The following EFCAB8 variants were observed in gnomAD, a reference collection of about 807,000 sequenced individuals.
EFCAB8 encodes the protein EF-hand calcium binding domain 8.
EFCAB8 carries 100 observed loss-of-function variants against 116.3 expected under a neutral mutation model. The observed-to-expected ratio is 0.86, with a 90% CI of 0.73 to 1.02. EFCAB8 has a LOEUF of 1.02. EFCAB8 is among the 50% of genes least tolerant of loss of function. The pLI is 0.00. For synonymous variants in EFCAB8, 558 were observed against 567.9 expected, an observed-to-expected ratio of 0.98 and a Z score of 0.25; for missense variants, 1,320 against 1,416.9, an observed-to-expected ratio of 0.93 and a Z score of 1.10.
At chr20:32,930,085 T>C (rs957734315) in intron 20 of EFCAB8, among the ~76,000 whole-genome samples, 7 of 152,248 alleles carry the variant, frequency 4.6e-5, no homozygotes, top group Non-Finnish European at 1.5e-5. Flanking sequence ...TGAGCCTATG[T>C]CGAATCAAAC....
At chr20:32,884,653 A>C (rs1051855119) in intron 5 of EFCAB8, among the ~76,000 whole-genome samples, 3 of 152,162 alleles carry the variant, frequency 2.0e-5, no homozygotes, top group African/African-American at 7.2e-5. Flanking sequence ...GCCCTGGAGG[A>C]GGGGTCACAG....
At chr20:32,927,406 G>T (rs561605868) in intron 20 of EFCAB8, among the ~76,000 whole-genome samples, 1 of 151,992 alleles carries the variant, frequency 6.6e-6, no homozygotes, top group South Asian at 2.1e-4. Flanking sequence ...GTGCAGTGAC[G>T]TGATCTTGGT....
At chr20:32,894,672 A>T (rs1394554696) in intron 9 of EFCAB8, among the ~76,000 whole-genome samples, 2 of 152,212 alleles carry the variant, frequency 1.3e-5, no homozygotes, top group Non-Finnish European at 2.9e-5. Flanking sequence ...CCAGTTGCTT[A>T]ACCTTTCTGT....
chr20:32,877,194 T>A (rs1289552103), intron 4 of EFCAB8, among the ~76,000 whole-genome samples: 1 of 141,830 alleles, frequency 7.1e-6, no homozygotes, highest in Non-Finnish European at 1.6e-5. Flanking sequence ...TTCTTGTTTT[T>A]ATTTATTTCT....
At chr20:32,884,525 G>A (rs372386951) in intron 5 of EFCAB8, among the ~76,000 whole-genome samples, 14 of 152,314 alleles carry the variant, frequency 9.2e-5, no homozygotes, top group African/African-American at 2.9e-4. Flanking sequence ...GAGGAGAACC[G>A]TGTCCAGACA....
At position 32,935,314 on chromosome 20, in the gene EFCAB8, C is replaced by A. The variant is rs374677422; in HGVS notation, c.2790+3978C>A. On this transcript the variant is annotated intron_variant, in intron 22 of 26. Transcript: ENST00000400522. ...CTCCCGGGTTCAAGCAATTCTCCCG[C>A]CTCAGCCTCCTGAGTAGCTGTGATT... 1.3e-4 allele frequency among the ~76,000 whole-genome samples: 19 copies of A among 150,186 alleles called. No individual in the cohort carries two copies. The South Asian group carries it at 4.1e-3, about 32-fold the overall frequency.
At chr20:32,873,974 G>A (rs1220395842) in intron 3 of EFCAB8, among the ~76,000 whole-genome samples, 2 of 151,976 alleles carry the variant, frequency 1.3e-5, no homozygotes, top group Non-Finnish European at 2.9e-5. Flanking sequence ...AGGCTGGAGT[G>A]CAGTGGTGAA....
At chr20:32,929,702 T>C (rs1355854723) in intron 20 of EFCAB8, among the ~76,000 whole-genome samples, 1 of 152,122 alleles carries the variant, frequency 6.6e-6, no homozygotes, top group East Asian at 1.9e-4. Flanking sequence ...TATTACACTG[T>C]AAAGTTCTGA....
rs1491065107 is a variant in EFCAB8 at position 32,912,447 on chromosome 20, AAG to A, written c.1786-345_1786-344del. 5.0e-3 allele frequency among the ~76,000 whole-genome samples: 217 copies of A among 43,358 alleles called. 24 individuals carry two copies. Among genetic ancestry groups the A allele is most frequent in the African/African-American group, 0.011 (74 of 6,712 alleles). The allele number at this position is 43,358 out of a possible 152,430, so 28.4% of individuals were successfully genotyped here. On this transcript the variant is annotated intron_variant, in intron 16 of 26. Coordinates refer to ENST00000400522, the MANE Select transcript of EFCAB8 (RefSeq NM_001143967.2). ...AACTCTGTCAAAAAAAAAAAAAAAG[AAG>A]AAGAAGAAAGAAAGTGTACTTAGCC...
chr20:32,937,680 G>GGTGGAGTACAA (rs1555868439), intron 22 of EFCAB8, among the ~76,000 whole-genome samples: 1 of 150,790 alleles, frequency 6.6e-6, no homozygotes, highest in Non-Finnish European at 1.5e-5. Flanking sequence ...GTACAATGGT[G>GGTGGAGTACAA]TGATCTTGAC....
chr20:32,954,016 G>A (rs761825521), intron 23 of EFCAB8, among the ~76,000 whole-genome samples: 1 of 152,098 alleles, frequency 6.6e-6, no homozygotes, highest in African/African-American at 2.4e-5. Context: ...ACTTTGGCCA[G>A]GCTGGTCTCG....
intron 11 of EFCAB8, among the ~76,000 whole-genome samples, chr20:32,904,410 C>A (rs1161932712): frequency 6.6e-6 from 1 of 150,764 alleles, no homozygotes; most frequent in Middle Eastern, 3.2e-3. Context: ...TAGCAATCCT[C>A]CCACCTCAGC....
At chr20:32,944,884 A>T (rs1385869269) in intron 23 of EFCAB8, among the ~76,000 whole-genome samples, 2 of 151,974 alleles carry the variant, frequency 1.3e-5, no homozygotes, top group African/African-American at 4.8e-5. Context: ...GCCATTATTT[A>T]TTCAGATAAG....
chr20:32,875,496 A>T (rs1218095320), intron 3 of EFCAB8, among the ~76,000 whole-genome samples: 2 of 82,102 alleles, frequency 2.4e-5, no homozygotes, highest in Admixed American at 1.2e-4. Flanking sequence ...CCTGGTAAAC[A>T]TGGTGGTTTT....
At chr20:32,881,055 A>C (rs1268036932) in intron 5 of EFCAB8, among the ~76,000 whole-genome samples, 1 of 152,226 alleles carries the variant, frequency 6.6e-6, no homozygotes, top group South Asian at 2.1e-4. Context: ...ATCATAGTAT[A>C]TGAATGTCTC....
At chr20:32,905,188 C>G (rs1986618711) in intron 11 of EFCAB8, among the ~76,000 whole-genome samples, 1 of 152,180 alleles carries the variant, frequency 6.6e-6, no homozygotes, top group Non-Finnish European at 1.5e-5. Context: ...GAATCCTGAC[C>G]CCTGTGCGGG....
intron 20 of EFCAB8, among the ~76,000 whole-genome samples, chr20:32,927,710 T>C (rs1987728731): frequency 6.6e-6 from 1 of 152,210 alleles, no homozygotes; most frequent in African/African-American, 2.4e-5. Flanking sequence ...GATTTTAATT[T>C]CCTTTCATAT....
In EFCAB8 at chr20:32,931,227, A is replaced by G. The variant is rs1362359511; in HGVS notation, c.2681A>G (p.Gln894Arg). 6.4e-7 allele frequency: 1 copy of G among 1,551,064 alleles called. No homozygotes were observed. The highest frequency in any genetic ancestry group is 2.0e-5 in the Admixed American group (1 of 50,784). ...YCALIDKQPF[Q>R]SSGAKVVSEA... ...GCATTGATTGATAAACAGCCATTCC[A>G]ATCCAGTGGGGCCAAGGTTGTCTCT... Residue 894 changes from glutamine to arginine, a missense_variant, in exon 22 of 27, where the codon CAA becomes CGA. Physicochemically the swap from Gln to Arg is conservative, Grantham distance 43. Transcript: ENST00000400522.
At chr20:32,865,631 C>T (rs960258608) in intron 2 of EFCAB8, among the ~76,000 whole-genome samples, 1 of 151,888 alleles carries the variant, frequency 6.6e-6, no homozygotes, top group African/African-American at 2.4e-5. Context: ...AACCCTGTCT[C>T]TACTAAAAAT....
Sources: allele counts gnomAD v4.1 joint callset (sites outside exome capture counted in the v4.1 genomes callset), GRCh38; gene constraint gnomAD v4.1.1; transcripts MANE v1.5; gene names NCBI Gene and HGNC (gene_info 2026-07-23, HGNC 2026-07-21).